The following COL8A1 variants were observed in gnomAD, a reference collection of about 807,000 sequenced individuals.
COL8A1 encodes the protein collagen alpha-1(VIII) chain.
In COL8A1, 21 loss-of-function variants were observed where a neutral mutation model predicts 42.7. The ratio of observed to expected loss-of-function variants is 0.49; its 90% CI spans 0.35 to 0.71. The LOEUF (loss-of-function observed/expected upper bound fraction) is 0.71, where lower values mean the gene tolerates loss of function less well. Ranked by LOEUF, COL8A1 falls within the 30% of genes least tolerant of loss-of-function variation. COL8A1 has a pLI of 0.01. For missense variants in COL8A1, 788 were observed against 962.4 expected, an observed-to-expected ratio of 0.82 and a Z score of 2.40; for synonymous variants, 367 against 369.1, an observed-to-expected ratio of 0.99 and a Z score of 0.06.
intron 2 of COL8A1, among the ~76,000 whole-genome samples, chr3:99,775,777 G>A (rs562670556): frequency 3.9e-4 from 60 of 152,190 alleles, no homozygotes; most frequent in Non-Finnish European, 7.8e-4. Context: ...CAGTTCCTTG[G>A]GTCCTGTTCT....
In COL8A1 at chr3:99,725,948, T is replaced by A. The variant is rs536304627; in HGVS notation, c.-128-18949T>A. Among the ~76,000 whole-genome samples the A allele has an allele frequency of 8.1e-4, 123 of 152,298 alleles. 3 individuals carry two copies. The South Asian group carries it at 0.025, about 31-fold the overall frequency. ...TATACCCAGTAATGGGATGGCTGGG[T>A]CAAATGGTATTTCTATTTCTAGATC... On this transcript the variant is annotated intron_variant, in intron 1 of 3. Transcript: ENST00000652472.
intron 1 of COL8A1, among the ~76,000 whole-genome samples, chr3:99,713,611 C>T (rs752379521): frequency 2.6e-5 from 4 of 152,124 alleles, no homozygotes; most frequent in Non-Finnish European, 4.4e-5. Context: ...TTCTTTCAAC[C>T]GTTGATCCTG....
intron 1 of COL8A1, among the ~76,000 whole-genome samples, chr3:99,700,558 T>TAAG (rs1939508489): frequency 6.6e-6 from 1 of 152,130 alleles, no homozygotes; most frequent in Non-Finnish European, 1.5e-5. Context: ...CTTTGTTACT[T>TAAG]ACTTGTCTCA....
intron 1 of COL8A1, among the ~76,000 whole-genome samples, chr3:99,666,731 C>T (rs1576421174): frequency 6.6e-6 from 1 of 152,274 alleles, no homozygotes; most frequent in East Asian, 1.9e-4. Context: ...TGTTCCCTCA[C>T]TATTAAGGGG....
At chr3:99,728,658 C>G (rs1940408906) in intron 1 of COL8A1, among the ~76,000 whole-genome samples, 1 of 151,778 alleles carries the variant, frequency 6.6e-6, no homozygotes, top group Non-Finnish European at 1.5e-5. Context: ...GCTTCACTGG[C>G]CATCTTAGCT....
intron 1 of COL8A1, chr3:99,679,190 C>T (rs1399264780): frequency 6.6e-6 from 1 of 152,180 alleles, no homozygotes; most frequent in Non-Finnish European, 1.5e-5. Context: ...CTTGAAAATA[C>T]TCATTAGGTA....
chr3:99,781,787 G>A (rs1410167483), intron 2 of COL8A1, among the ~76,000 whole-genome samples: 4 of 152,120 alleles, frequency 2.6e-5, no homozygotes, highest in Admixed American at 1.3e-4. Context: ...GCTGTGTATC[G>A]CCAGGTCCAC....
rs552134484 is a variant in COL8A1 at position 99,795,691 on chromosome 3, C to A, written c.1790C>A (p.Pro597His). 3.0e-5 allele frequency: 49 copies of A among 1,613,930 alleles called. No individual in the cohort carries two copies. The highest frequency in any genetic ancestry group is 4.0e-5 in the Non-Finnish European group (47 of 1,179,992). The change falls in exon 4 of 4, where the codon CCC (proline) becomes CAC (histidine). Residue 597 changes from proline to histidine, a missense_variant. By Grantham distance (77) the Pro-to-His change is moderately conservative. Around this residue, in one of 4 missense-constraint regions of COL8A1, gnomAD observed 212 missense variants for 210.9 expected, o/e 1.00. Coordinates refer to ENST00000652472, the MANE Select transcript of COL8A1 (RefSeq NM_020351.4). ...GGGCTGGGAATTGATGGCGTGAAAC[C>A]CCCCCATGCCTACGGGGCTAAGAAA... ...DMGLGIDGVK[P>H]PHAYGAKKGK...
chr3:99,761,464 G>C (rs556593958), intron 2 of COL8A1, among the ~76,000 whole-genome samples: 1 of 152,294 alleles, frequency 6.6e-6, no homozygotes, highest in Admixed American at 6.5e-5. Flanking sequence ...AAATTGAAAT[G>C]GAAAGAATCA....
At chr3:99,639,952 C>T (rs1031270554) in intron 1 of COL8A1, among the ~76,000 whole-genome samples, 2 of 152,136 alleles carry the variant, frequency 1.3e-5, no homozygotes, top group East Asian at 1.9e-4. Context: ...AAAAACTCAC[C>T]GAAGCTGTAT....
intron 1 of COL8A1, among the ~76,000 whole-genome samples, chr3:99,729,495 T>C (rs1391696725): frequency 6.6e-6 from 1 of 151,962 alleles, no homozygotes; most frequent in Non-Finnish European, 1.5e-5. Flanking sequence ...AATTAAGGTC[T>C]CTCTAAACAT....
chr3:99,701,541 A>C (rs1262108752), intron 1 of COL8A1, among the ~76,000 whole-genome samples: 1 of 152,202 alleles, frequency 6.6e-6, no homozygotes, highest in Admixed American at 6.5e-5. Context: ...AGAGTCTGTA[A>C]TACAAAAATG....
intron 1 of COL8A1, among the ~76,000 whole-genome samples, chr3:99,708,164 G>GA (rs1247993934): frequency 2.0e-5 from 3 of 152,054 alleles, no homozygotes; most frequent in African/African-American, 7.2e-5. Context: ...AAAATTAAGG[G>GA]AAAATCACAG....
intron 1 of COL8A1, among the ~76,000 whole-genome samples, chr3:99,737,168 C>A (rs986198244): frequency 6.6e-6 from 1 of 152,150 alleles, no homozygotes; most frequent in African/African-American, 2.4e-5. Flanking sequence ...CACACTGATG[C>A]GACTTGACTC....
chr3:99,713,967 G>C (rs553081111), intron 1 of COL8A1, among the ~76,000 whole-genome samples: 1 of 151,986 alleles, frequency 6.6e-6, no homozygotes, highest in Non-Finnish European at 1.5e-5. Context: ...CTGATGAGAG[G>C]GGAGGAGAAA....
At chr3:99,770,366 G>A (rs1275137990) in intron 2 of COL8A1, among the ~76,000 whole-genome samples, 2 of 152,132 alleles carry the variant, frequency 1.3e-5, no homozygotes, top group Non-Finnish European at 2.9e-5. Context: ...AGTATGCCAA[G>A]GTATCATATT....
intron 2 of COL8A1, among the ~76,000 whole-genome samples, chr3:99,760,960 C>A (rs146804114): frequency 5.4e-4 from 82 of 152,288 alleles, no homozygotes; most frequent in African/African-American, 1.9e-3. Context: ...ATTTCTTGAA[C>A]ATTTCAAATA....
At chr3:99,673,664 T>C (rs115872770) in intron 1 of COL8A1, among the ~76,000 whole-genome samples, 6,147 of 152,182 alleles carry the variant, frequency 0.04, 171 homozygotes, top group Non-Finnish European at 0.064. Flanking sequence ...GATTGTAAGA[T>C]AATTATTAGT....
intron 2 of COL8A1, among the ~76,000 whole-genome samples, chr3:99,760,292 A>G (rs1941342545): frequency 1.3e-5 from 2 of 152,256 alleles, no homozygotes; most frequent in Admixed American, 6.5e-5. Flanking sequence ...CTGGTCTCCA[A>G]TCACATTCAT....
Sources: gnomAD v4.1 joint callset for allele counts (sites outside exome capture counted in the v4.1 genomes callset) on GRCh38, gnomAD v4.1.1 for gene constraint, gnomAD v4.1.1 regional missense constraint, MANE v1.5 for transcripts, NCBI Gene and HGNC (gene_info 2026-07-23, HGNC 2026-07-21) for gene names.